Variants in STRIP2 observed in about 807,000 individuals in gnomAD.
STRIP2 encodes striatin-interacting protein 2.
In STRIP2, 84 loss-of-function variants were observed where a neutral mutation model predicts 107.1. That is an observed-to-expected ratio of 0.78 (90% CI 0.66 to 0.94). The LOEUF is 0.94. STRIP2 is among the 40% of genes least tolerant of loss of function. The probability of loss-of-function intolerance (pLI) is 0.00; values close to 1 mark genes in which losing one functional copy is unlikely to be tolerated. For synonymous variants in STRIP2, 394 were observed against 400.4 expected (o/e 0.98, Z 0.19); for missense variants, 888 against 1,034.2 (o/e 0.86, Z 1.94).
In STRIP2 at chr7:129,482,353, CTCTATATA is replaced by C. The variant is rs199974272; in HGVS notation, c.2050-487_2050-480del. On this transcript the variant is annotated intron_variant, in intron 19 of 20. Coordinates refer to ENST00000249344, the MANE Select transcript of STRIP2 (RefSeq NM_020704.3). ...AATAGTTCTCTCTCTCTCTCTCTCTCTCTATATATATATATATATATATATTTTTTTTT... is the reference window on the plus strand; with the variant it reads ...AATAGTTCTCTCTCTCTCTCTCTCTCTATATATATATATATATTTTTTTTT... 5.2e-3 allele frequency among the ~76,000 whole-genome samples: 508 copies of C among 98,608 alleles called. 11 individuals are homozygous for C. The highest frequency in any genetic ancestry group is 0.01 in the South Asian group (29 of 2,878). 64.7% of individuals were successfully genotyped at this position (98,608 alleles called of 152,430 possible).
chr7:129,485,880 T>G lies in STRIP2; in HGVS notation c.*51T>G, dbSNP rs150728758. On this transcript the variant is annotated 3_prime_UTR_variant, in exon 21 of 21. Coordinates refer to ENST00000249344, the MANE Select transcript of STRIP2 (RefSeq NM_020704.3). ...TAGATAGAGGTCAGCTCCAATAAAC[T>G]GTGCTCTGCCTACCCTGTCCATACA... 6.2e-5 allele frequency: 99 copies of G among 1,603,452 alleles called. No homozygotes were observed. In the African/African-American group the frequency reaches 1.2e-3, roughly 19 times the overall value.
At chr7:129,477,844 C>G in intron 18 of STRIP2, 4 of 407,400 alleles carry the variant, frequency 9.8e-6, no homozygotes, top group East Asian at 7.1e-5. Flanking sequence ...TGCATTCCAT[C>G]TCAAGGCATC....
intron 3 of STRIP2, 84 bp from the exon 4 acceptor site, chr7:129,451,529 A>G (rs765470267): frequency 6.6e-7 from 1 of 1,518,290 alleles, no homozygotes; most frequent in Non-Finnish European, 9.0e-7. Flanking sequence ...GGGAGCTGAG[A>G]TCAGAGGTGG....
At position 129,483,305 on chromosome 7, in the gene STRIP2, C is replaced by G; in HGVS notation, c.2254+259C>G. Reference sequence around the variant, plus strand: ...GAGATAATTAATTGCCTTTCCAAAACATTCTTTTAAATGACAGCTTTCTCC... The same window carrying G: ...GAGATAATTAATTGCCTTTCCAAAAGATTCTTTTAAATGACAGCTTTCTCC... On this transcript the variant is annotated intron_variant, in intron 20 of 20. Coordinates refer to ENST00000249344, the MANE Select transcript of STRIP2 (RefSeq NM_020704.3). The surrounding 1 kb of genome is among the most constrained non-coding windows in gnomAD (Gnocchi z 5.1). The G allele has an allele frequency of 8.3e-7, 1 of 1,202,286 alleles. No homozygotes were observed. The allele number at this position is 1,202,286 out of a possible 1,614,324, so 74.5% of individuals were successfully genotyped here. A position where few individuals can be genotyped will look rare whatever the true frequency, so the allele number is the denominator to read the frequency against.
At chr7:129,465,024 C>T (rs749707087) in intron 16 of STRIP2, among the ~76,000 whole-genome samples, 3 of 146,774 alleles carry the variant, frequency 2.0e-5, no homozygotes, top group South Asian at 2.2e-4. Context: ...TTAAACAATG[C>T]AAGAGAGAAT....
intron 16 of STRIP2, among the ~76,000 whole-genome samples, chr7:129,465,069 G>C (rs540857359): frequency 6.6e-6 from 1 of 152,046 alleles, no homozygotes; most frequent in African/African-American, 2.4e-5. Flanking sequence ...GGTGGGGGGA[G>C]TATGTTGACC....
At chr7:129,467,312 C>T in intron 16 of STRIP2, 38 bp from the exon 17 acceptor site, 3 of 1,460,772 alleles carry the variant, frequency 2.1e-6, no homozygotes, top group Non-Finnish European at 2.9e-6. Context: ...CATTCTCCTC[C>T]AAATAAGCAG....
In STRIP2 at chr7:129,462,917, T is replaced by C. The variant is rs764617063; in HGVS notation, c.1477-49T>C. ...CCTCACAACCAAGAAAAAAAAGCCT[T>C]TGGTCACCTGGAAAGTGGCATTGCC... On this transcript the variant is annotated intron_variant, in intron 13 of 20. Coordinates refer to ENST00000249344, the MANE Select transcript of STRIP2 (RefSeq NM_020704.3). The C allele has an allele frequency of 3.2e-6, 5 of 1,542,284 alleles. No homozygotes were observed. The Admixed American group carries it at 7.0e-5, about 22-fold the overall frequency.
intron 4 of STRIP2, among the ~76,000 whole-genome samples, 186 bp downstream of exon 4, chr7:129,451,933 C>G (rs2150995586): frequency 6.6e-6 from 1 of 152,292 alleles, no homozygotes; most frequent in East Asian, 1.9e-4. Flanking sequence ...GAGTGCTGTT[C>G]TAGATCCCTC....
At chr7:129,482,023 G>T (rs2151020176) in intron 19 of STRIP2, among the ~76,000 whole-genome samples, 1 of 151,986 alleles carries the variant, frequency 6.6e-6, no homozygotes, top group South Asian at 2.1e-4. Flanking sequence ...AGCTGGGTGT[G>T]GTGGCGGGCG....
At chr7:129,437,364 G>A (rs2150984100) in intron 1 of STRIP2, among the ~76,000 whole-genome samples, 1 of 152,146 alleles carries the variant, frequency 6.6e-6, no homozygotes, top group South Asian at 2.1e-4. Context: ...CTTAAGTCTA[G>A]GAGGTTGAGG....
Position 129,458,624 on chromosome 7 carries a change from T to C in STRIP2, c.1275-88T>C. On this transcript the variant is annotated intron_variant, in intron 10 of 20. Coordinates refer to ENST00000249344, the MANE Select transcript of STRIP2 (RefSeq NM_020704.3). The surrounding 1 kb of genome is among the most constrained non-coding windows in gnomAD (Gnocchi z 4.6). ...TTTTCCACTGCTCCAGTCCTCTGAT[T>C]GGAGGGATAGGAGCCCGGAAAGTTT... 2 of 1,459,406 alleles carry C rather than the reference T, an allele frequency of 1.4e-6. No individual in the cohort carries two copies. The highest frequency in any genetic ancestry group is 9.6e-7 in the Non-Finnish European group (1 of 1,046,136). 90.4% of individuals were successfully genotyped at this position (1,459,406 alleles called of 1,614,324 possible). A position where few individuals can be genotyped will look rare whatever the true frequency, so the allele number is the denominator to read the frequency against.
chr7:129,438,183 A>G (rs1362535370), intron 1 of STRIP2, among the ~76,000 whole-genome samples: 1 of 152,226 alleles, frequency 6.6e-6, no homozygotes, highest in Non-Finnish European at 1.5e-5. Flanking sequence ...TAAAATGTTC[A>G]TAAGATTTGA....
chr7:129,487,982 G>C lies in STRIP2; in HGVS notation c.*2153G>C, dbSNP rs1799275234. ...CTGAAGCACTAAGGATAAATGATTA[G>C]TTTCCAATCACATCATTTTTTTCCA... On this transcript the variant is annotated 3_prime_UTR_variant, in exon 21 of 21. Coordinates refer to ENST00000249344, the MANE Select transcript of STRIP2 (RefSeq NM_020704.3). 6.6e-6 allele frequency: 1 copy of C among 152,154 alleles called. No individual in the cohort carries two copies. The highest frequency in any genetic ancestry group is 2.1e-4 in the South Asian group (1 of 4,832). The allele number at this position is 152,154 out of a possible 1,614,324, so 9.4% of individuals were successfully genotyped here. A position where few individuals can be genotyped will look rare whatever the true frequency, so the allele number is the denominator to read the frequency against.
intron 18 of STRIP2, among the ~76,000 whole-genome samples, chr7:129,471,643 C>T (rs1375729280): frequency 6.6e-6 from 1 of 152,170 alleles, no homozygotes; most frequent in Non-Finnish European, 1.5e-5. Context: ...TTTTATAGAA[C>T]CATGGGATTC....
In STRIP2 at chr7:129,454,155, T is replaced by C. The variant is rs749690321; in HGVS notation, c.544T>C (p.Cys182Arg). The C allele has an allele frequency of 6.2e-7, 1 of 1,614,036 alleles. No homozygotes were observed. The highest frequency in any genetic ancestry group is 1.7e-5 in the Admixed American group (1 of 60,008). Residue 182 changes from cysteine to arginine, a missense_variant, in exon 6 of 21, where the codon TGT becomes CGT. Coordinates refer to ENST00000249344, the MANE Select transcript of STRIP2 (RefSeq NM_020704.3). ...CTCCCCTGGCAGCAACAGCCAGGCC[T>C]GTAGCAGTGCCCTTCGGAAACCAGC... Reference protein sequence around the residue: ...LHMEIDNSQACSSALRKPAVS... With the variant: ...LHMEIDNSQARSSALRKPAVS...
rs1309004825 is a variant in STRIP2 at position 129,453,364 on chromosome 7, G to A, written c.530+17G>A. On this transcript the variant is annotated intron_variant, in intron 5 of 20. Transcript: ENST00000249344. The stretch of plus-strand genomic sequence containing the variant: ...GGAAATTGAGTGAGAAGCCTTAGGG[G>A]AAGGGCTGGCCTACATAACCCCCAT... The A allele has an allele frequency of 1.9e-6, 3 of 1,613,780 alleles. No homozygotes were observed. The highest frequency in any genetic ancestry group is 1.7e-6 in the Non-Finnish European group (2 of 1,179,916).
rs1388342492 is a variant in STRIP2, at chr7:129,485,656, C to T, written c.2332C>T (p.Arg778Cys). The change falls in exon 21 of 21, where the codon CGC (arginine) becomes TGC (cysteine). Residue 778 changes from arginine to cysteine, a missense_variant. Coordinates refer to ENST00000249344, the MANE Select transcript of STRIP2 (RefSeq NM_020704.3). ...CAACATTGAGGCTTTTAACAGCCGT[C>T]GCTATGACAGACCCCAGGACTCTGA... ...RANIEAFNSR[R>C]YDRPQDSEFS... 1.2e-5 allele frequency: 19 copies of T among 1,613,876 alleles called. No individual in the cohort carries two copies. The East Asian group carries it at 1.6e-4, about 13-fold the overall frequency.
intron 18 of STRIP2, among the ~76,000 whole-genome samples, chr7:129,475,051 A>G (rs1798879877): frequency 6.6e-6 from 1 of 152,204 alleles, no homozygotes; most frequent in African/African-American, 2.4e-5. Flanking sequence ...TGTATCTCCA[A>G]ATGTCGGTAT....
Sources: allele counts gnomAD v4.1 joint callset (sites outside exome capture counted in the v4.1 genomes callset), GRCh38; gene constraint gnomAD v4.1.1; non-coding constraint Gnocchi (gnomAD v3.1); transcripts MANE v1.5; gene names NCBI Gene and HGNC (gene_info 2026-07-23, HGNC 2026-07-21).